The following ADGRD1 variants were observed in gnomAD, a reference collection of about 807,000 sequenced individuals.
ADGRD1 encodes the protein adhesion G protein-coupled receptor D1, also known as G-protein coupled receptor 133.
In ADGRD1, 77 loss-of-function variants were observed where a neutral mutation model predicts 113.4. The observed-to-expected ratio is 0.68, with a 90% CI of 0.57 to 0.82. The LOEUF (loss-of-function observed/expected upper bound fraction) is 0.82, where lower values mean the gene tolerates loss of function less well. ADGRD1 is among the 40% of genes least tolerant of loss of function. The pLI is 0.00. For missense variants in ADGRD1, 1,036 were observed against 1,139.1 expected (o/e 0.91, Z 1.30); for synonymous variants, 474 against 475.0 (o/e 1.00, Z 0.03).
At chr12:131,112,976 T>C (rs954740920) in intron 18 of ADGRD1, among the ~76,000 whole-genome samples, 19 of 152,228 alleles carry the variant, frequency 1.2e-4, no homozygotes, top group African/African-American at 4.3e-4. Context: ...AAGCACAAAG[T>C]TGGGGGGAAT....
In ADGRD1 at chr12:131,104,825, C is replaced by T. The variant is rs1251553409; in HGVS notation, c.1672-6C>T. On this transcript the variant is annotated splice_polypyrimidine_tract_variant and splice_region_variant and intron_variant, in intron 15 of 24. Transcript: ENST00000261654. ...GCTGCTGACGCCTCTGCTCTGCTCC[C>T]CGCAGCTTGCACGCGGACACCAGGT... 3 of 1,544,946 alleles carry T rather than the reference C, an allele frequency of 1.9e-6. No homozygotes were observed. The highest frequency in any genetic ancestry group is 1.7e-4 in the Middle Eastern group (1 of 5,810).
At chr12:131,064,368 G>GAT (rs1884556132) in intron 13 of ADGRD1, among the ~76,000 whole-genome samples, 1 of 152,206 alleles carries the variant, frequency 6.6e-6, no homozygotes, top group Admixed American at 6.5e-5. Flanking sequence ...ATCATGAACA[G>GAT]ATATTGGATT....
intron 15 of ADGRD1, among the ~76,000 whole-genome samples, chr12:131,092,967 C>T (rs779124962): frequency 5.3e-5 from 8 of 151,184 alleles, no homozygotes; most frequent in East Asian, 2.0e-4. Context: ...ATGCTGGAGG[C>T]GAGTGGCTAC....
At chr12:131,090,153 G>C (rs568699986) in intron 15 of ADGRD1, among the ~76,000 whole-genome samples, 1 of 152,156 alleles carries the variant, frequency 6.6e-6, no homozygotes, top group Non-Finnish European at 1.5e-5. Flanking sequence ...GGGTGTCTTC[G>C]TGGGAGCAAA....
In ADGRD1 at chr12:130,966,493, A is replaced by G; in HGVS notation, c.134A>G (p.Tyr45Cys). The change falls in exon 3 of 25, where the codon TAC becomes TGC. Residue 45 changes from tyrosine to cysteine, a missense_variant. Physicochemically the swap from Tyr to Cys is radical, Grantham distance 194. Coordinates refer to ENST00000261654, the MANE Select transcript of ADGRD1 (RefSeq NM_198827.5). The surrounding 1 kb of genome is among the most constrained non-coding windows in gnomAD (Gnocchi z 4.6). ...GFQVLASASH[Y>C]WPLENVDGIH... ...CAGGTGTTGGCGTCTGCTTCCCATT[A>G]CTGGCCACTGGAGAATGTGGATGGG... 6.2e-7 allele frequency: 1 copy of G among 1,611,408 alleles called. No individual in the cohort carries two copies. The highest frequency in any genetic ancestry group is 8.5e-7 in the Non-Finnish European group (1 of 1,177,540).
intron 13 of ADGRD1, among the ~76,000 whole-genome samples, chr12:131,053,103 C>A (rs558038937): frequency 6.6e-6 from 1 of 152,212 alleles, no homozygotes; most frequent in African/African-American, 2.4e-5. Context: ...TCGGTCAGAT[C>A]GGGGCACTGG....
chr12:131,089,627 C>T (rs982050574), intron 15 of ADGRD1, among the ~76,000 whole-genome samples: 4 of 151,964 alleles, frequency 2.6e-5, no homozygotes, highest in Non-Finnish European at 5.9e-5. Context: ...TGGGTGCTCC[C>T]GGCCAGTGAG....
chr12:131,101,969 G>GT (rs1475867085), intron 15 of ADGRD1, among the ~76,000 whole-genome samples: 2 of 152,136 alleles, frequency 1.3e-5, no homozygotes, highest in African/African-American at 4.8e-5. Context: ...CTGTCATTGG[G>GT]TCTCTTCCCT....
chr12:131,091,334 A>G (rs1174868796), intron 15 of ADGRD1, among the ~76,000 whole-genome samples: 2 of 152,246 alleles, frequency 1.3e-5, no homozygotes, highest in East Asian at 1.9e-4. Flanking sequence ...GACATTATTT[A>G]TAGTAGAAAT....
At chr12:131,082,773 G>A (rs934501121) in intron 14 of ADGRD1, among the ~76,000 whole-genome samples, 4 of 152,126 alleles carry the variant, frequency 2.6e-5, no homozygotes, top group African/African-American at 9.7e-5. Flanking sequence ...TTATTAATGG[G>A]GTTTTGCTCC....
chr12:131,084,525 C>A lies in ADGRD1; in HGVS notation c.1548-15C>A, dbSNP rs756216088. 2.9e-5 allele frequency: 47 copies of A among 1,613,954 alleles called. No individual in the cohort carries two copies. Among genetic ancestry groups the A allele is most frequent in the Non-Finnish European group, 3.3e-5 (39 of 1,180,006 alleles). Reference sequence around the variant, plus strand: ...GCGGTGCTACCTCCTCTGATCCTTTCTCCTGTGTCCTCAGCTCCGGAGAAG... The same window carrying A: ...GCGGTGCTACCTCCTCTGATCCTTTATCCTGTGTCCTCAGCTCCGGAGAAG... On this transcript the variant is annotated splice_polypyrimidine_tract_variant and intron_variant, in intron 14 of 24. Transcript: ENST00000261654. This position sits in a 1 kb window ranked among gnomAD's most constrained non-coding sequence, Gnocchi z 4.5.
At position 131,139,416 on chromosome 12, in the gene ADGRD1, G is replaced by T; in HGVS notation, c.*153G>T. On this transcript the variant is annotated 3_prime_UTR_variant, in exon 25 of 25. Transcript: ENST00000261654. ...ACAGCTGTCCTCCCCTGTGACTCTG[G>T]CTGTCGGAGCACACTGCTCAGCCCA... is the stretch of plus-strand genomic sequence containing the variant. 1.6e-6 allele frequency: 1 copy of T among 622,358 alleles called. No homozygotes were observed. Among genetic ancestry groups the T allele is most frequent in the Non-Finnish European group, 2.9e-6 (1 of 345,468 alleles). 38.6% of individuals were successfully genotyped at this position (622,358 alleles called of 1,614,324 possible).
intron 8 of ADGRD1, among the ~76,000 whole-genome samples, chr12:130,997,178 C>T (rs1432241705): frequency 1.1e-4 from 9 of 85,536 alleles, no homozygotes; most frequent in South Asian, 3.7e-4. Context: ...GCTTGCCGGG[C>T]GGGGGGCTGA....
At chr12:131,018,793 C>T (rs1195913) in intron 13 of ADGRD1, among the ~76,000 whole-genome samples, 79,985 of 152,126 alleles carry the variant, frequency 0.53, 23,054 homozygotes, top group East Asian at 0.78. Context: ...TCTCAAAGCA[C>T]AGCCGTTTCA....
intron 2 of ADGRD1, chr12:130,957,298 T>C (rs1869750612): frequency 6.6e-6 from 1 of 152,460 alleles, no homozygotes; most frequent in Non-Finnish European, 1.5e-5. Context: ...TCTACACACA[T>C]GCATACACGT....
intron 15 of ADGRD1, among the ~76,000 whole-genome samples, chr12:131,102,058 GA>G (rs1566111005): frequency 2.0e-5 from 3 of 152,192 alleles, no homozygotes; most frequent in African/African-American, 7.2e-5. Flanking sequence ...AGAATCCTCA[GA>G]ACTCTTAAGT....
intron 8 of ADGRD1, among the ~76,000 whole-genome samples, chr12:130,996,618 C>G: frequency 8.7e-6 from 1 of 114,388 alleles, no homozygotes. Flanking sequence ...GGCAGAGGCG[C>G]CCCTCACCTC....
intron 13 of ADGRD1, among the ~76,000 whole-genome samples, chr12:131,018,100 G>A (rs1294575599): frequency 6.6e-6 from 1 of 152,204 alleles, no homozygotes; most frequent in Admixed American, 6.5e-5. Context: ...AAAGTGATTT[G>A]TTTTGTCTGG....
chr12:131,135,452 A>G (rs1176716922), intron 21 of ADGRD1, among the ~76,000 whole-genome samples: 1 of 152,184 alleles, frequency 6.6e-6, no homozygotes, highest in African/African-American at 2.4e-5. Flanking sequence ...TCCTTTGAGC[A>G]TGAGCAGGGC....
Sources: gnomAD v4.1 joint callset for allele counts (sites outside exome capture counted in the v4.1 genomes callset) on GRCh38, gnomAD v4.1.1 for gene constraint, Gnocchi (gnomAD v3.1) non-coding constraint, MANE v1.5 for transcripts, NCBI Gene and HGNC (gene_info 2026-07-23, HGNC 2026-07-21) for gene names.